Variants in SLC39A9 observed in about 807,000 individuals in gnomAD.
SLC39A9 encodes zinc transporter ZIP9.
SLC39A9 carries 14 observed loss-of-function variants against 28.4 expected under a neutral mutation model. The observed-to-expected ratio is 0.49, with a 90% CI of 0.33 to 0.77. The LOEUF (loss-of-function observed/expected upper bound fraction) is 0.77, where lower values mean the gene tolerates loss of function less well. Among genes scored for constraint, SLC39A9 ranks in the 30% least tolerant of loss-of-function variants. SLC39A9 has a pLI of 0.02. For missense variants in SLC39A9, 283 were observed against 381.1 expected (o/e 0.74, Z 2.14); for synonymous variants, 119 against 149.6 (o/e 0.80, Z 1.49).
At position 69,458,766 on chromosome 14, in the gene SLC39A9, A is replaced by T; in HGVS notation, c.*173A>T. The T allele has an allele frequency of 7.3e-7, 1 of 1,372,580 alleles. No homozygotes were observed. The allele number at this position is 1,372,580 out of a possible 1,614,324, so 85.0% of individuals were successfully genotyped here. ...ACCTGAGTAATGGAAAAGCTTTTAG[A>T]GTAGAAACACATTTACGTTGCAGTT... On this transcript the variant is annotated 3_prime_UTR_variant, in exon 7 of 7. Coordinates refer to ENST00000336643, the MANE Select transcript of SLC39A9 (RefSeq NM_018375.5).
chr14:69,457,618 A>G (rs550577635), intron 6 of SLC39A9, among the ~76,000 whole-genome samples: 1 of 152,354 alleles, frequency 6.6e-6, no homozygotes, highest in South Asian at 2.1e-4. Flanking sequence ...TATTAGTAGA[A>G]TAAATAAATT....
At chr14:69,402,461 T>C (rs1408793246) in intron 1 of SLC39A9, among the ~76,000 whole-genome samples, 2 of 152,156 alleles carry the variant, frequency 1.3e-5, no homozygotes, top group Non-Finnish European at 2.9e-5. Flanking sequence ...AGATGATCAA[T>C]TATGGCAAGA....
intron 1 of SLC39A9, among the ~76,000 whole-genome samples, chr14:69,419,132 G>A (rs1288583883): frequency 6.6e-6 from 1 of 152,044 alleles, no homozygotes; most frequent in Non-Finnish European, 1.5e-5. Flanking sequence ...TCTCTTGTGG[G>A]CATTTAGTGC....
chr14:69,457,776 A>G (rs969788857), intron 6 of SLC39A9, among the ~76,000 whole-genome samples: 2 of 152,232 alleles, frequency 1.3e-5, no homozygotes, highest in Admixed American at 6.5e-5. Flanking sequence ...AGTCCCAGCT[A>G]CTTGGGAAGC....
chr14:69,424,910 A>G (rs1884105506), intron 2 of SLC39A9, among the ~76,000 whole-genome samples: 1 of 152,220 alleles, frequency 6.6e-6, no homozygotes, highest in Admixed American at 6.5e-5. Flanking sequence ...GAATAGTATA[A>G]AGAGGTAGGC....
intron 3 of SLC39A9, among the ~76,000 whole-genome samples, chr14:69,445,989 G>A (rs1347167595): frequency 6.6e-6 from 1 of 152,004 alleles, no homozygotes; most frequent in Non-Finnish European, 1.5e-5. Context: ...CTTGGGTAGA[G>A]TTGGGAGAAA....
intron 2 of SLC39A9, among the ~76,000 whole-genome samples, chr14:69,431,005 A>G (rs1884461127): frequency 6.6e-6 from 1 of 152,208 alleles, no homozygotes; most frequent in Non-Finnish European, 1.5e-5. Flanking sequence ...AGCTTGTCAA[A>G]TATCTATGGA....
chr14:69,445,984 G>A (rs566540504), intron 3 of SLC39A9, among the ~76,000 whole-genome samples: 2 of 152,186 alleles, frequency 1.3e-5, no homozygotes, highest in East Asian at 1.9e-4. Context: ...TTAGTCTTGG[G>A]TAGAGTTGGG....
In SLC39A9 at chr14:69,442,254, C is replaced by T. The variant is rs574248067; in HGVS notation, c.391C>T (p.His131Tyr). ...GGACCAGATTGGTAACTCCCATGTG[C>T]ATTCTACTGACGGTGAGTGGCTCCA... ...LVDQIGNSHV[H>Y]STDDPEAARS... is the part of the protein sequence containing the mutation. The change falls in exon 3 of 7, where the codon CAT (histidine) becomes TAT (tyrosine). Residue 131 changes from histidine to tyrosine, a missense_variant. Transcript: ENST00000336643. The T allele has an allele frequency of 6.2e-7, 1 of 1,614,156 alleles. No homozygotes were observed. The highest frequency in any genetic ancestry group is 2.2e-5 in the East Asian group (1 of 44,878).
intron 2 of SLC39A9, among the ~76,000 whole-genome samples, chr14:69,433,467 C>A (rs1044824253): frequency 6.6e-6 from 1 of 152,078 alleles, no homozygotes. Context: ...GAAGTGTTCC[C>A]TTCTCTTTTA....
At chr14:69,455,545 C>T (rs1364976788) in intron 5 of SLC39A9, among the ~76,000 whole-genome samples, 187 bp from the exon 6 acceptor site, 2 of 152,126 alleles carry the variant, frequency 1.3e-5, no homozygotes, top group African/African-American at 4.8e-5. Flanking sequence ...GTCTCGAACT[C>T]CTGACCTTAG....
intron 1 of SLC39A9, among the ~76,000 whole-genome samples, chr14:69,420,026 T>C (rs1883796381): frequency 6.6e-6 from 1 of 152,242 alleles, no homozygotes; most frequent in African/African-American, 2.4e-5. Flanking sequence ...ATGTGTGAAT[T>C]TGATCCTGTC....
chr14:69,444,852 C>T (rs1885218716), intron 3 of SLC39A9, among the ~76,000 whole-genome samples: 1 of 151,854 alleles, frequency 6.6e-6, no homozygotes. Flanking sequence ...CCCTTTAATC[C>T]CAGCATTTTG....
chr14:69,418,808 A>G (rs185524116), intron 1 of SLC39A9, among the ~76,000 whole-genome samples: 58 of 152,288 alleles, frequency 3.8e-4, no homozygotes, highest in Non-Finnish European at 7.2e-4. Flanking sequence ...AGGTGTGTAT[A>G]GTATTCTCTG....
intron 6 of SLC39A9, among the ~76,000 whole-genome samples, chr14:69,458,051 TTAGTTTTATTTAATTAGTCC>T (rs933552688): frequency 1.1e-4 from 16 of 152,324 alleles, no homozygotes; most frequent in African/African-American, 3.8e-4. Flanking sequence ...ATGACAGATG[TTAGTTTTATTTAATTAGTCC>T]ACATTTTATT....
chr14:69,451,415 G>T (rs8012954), intron 3 of SLC39A9, among the ~76,000 whole-genome samples: 68,798 of 151,988 alleles, frequency 0.45, 15,761 homozygotes, highest in Middle Eastern at 0.59. Flanking sequence ...TTTCCTACAA[G>T]AGCAGTAACA....
intron 2 of SLC39A9, among the ~76,000 whole-genome samples, chr14:69,426,715 CAGG>C (rs147268014): frequency 0.12 from 18,687 of 152,176 alleles, 1,362 homozygotes; most frequent in Middle Eastern, 0.25. Flanking sequence ...GAAAAGAGGG[CAGG>C]AGAAGGTCAG....
chr14:69,408,575 A>G (rs1018284390), intron 1 of SLC39A9, among the ~76,000 whole-genome samples: 2 of 152,168 alleles, frequency 1.3e-5, no homozygotes, highest in African/African-American at 4.8e-5. Flanking sequence ...ATTTGATGAC[A>G]CCAAATCTTC....
intron 2 of SLC39A9, among the ~76,000 whole-genome samples, chr14:69,433,668 G>A (rs1159891094): frequency 6.6e-6 from 1 of 152,196 alleles, no homozygotes; most frequent in Admixed American, 6.5e-5. Flanking sequence ...TGCTTTGGAA[G>A]TTGTGTCTTT....
Sources: allele counts gnomAD v4.1 joint callset (sites outside exome capture counted in the v4.1 genomes callset), GRCh38; gene constraint gnomAD v4.1.1; transcripts MANE v1.5; gene names NCBI Gene and HGNC (gene_info 2026-07-23, HGNC 2026-07-21).